Variants in PHACTR1 observed in about 807,000 individuals in gnomAD.
PHACTR1 encodes the protein RPEL repeat containing 1.
In PHACTR1, 16 loss-of-function variants were observed where a neutral mutation model predicts 69.2. The ratio of observed to expected loss-of-function variants is 0.23; its 90% confidence interval spans 0.16 to 0.35. The LOEUF (loss-of-function observed/expected upper bound fraction) is 0.35, where lower values mean the gene tolerates loss of function less well. Ranked by LOEUF, PHACTR1 falls within the 10% of genes least tolerant of loss-of-function variation. PHACTR1 has a pLI of 1.00. For missense variants in PHACTR1, 510 were observed against 734.7 expected, an observed-to-expected ratio of 0.69 and a Z score of 3.54; for synonymous variants, 312 against 284.5, an observed-to-expected ratio of 1.10 and a Z score of -0.97.
intron 4 of PHACTR1, among the ~76,000 whole-genome samples, chr6:12,949,937 C>T (rs893484699): frequency 3.3e-5 from 5 of 152,242 alleles, no homozygotes; most frequent in Non-Finnish European, 7.3e-5. Context: ...GCCTTATATA[C>T]ACCCCTGCCG....
intron 5 of PHACTR1, among the ~76,000 whole-genome samples, chr6:13,096,556 G>C (rs979220442): frequency 2.0e-5 from 3 of 152,116 alleles, no homozygotes; most frequent in Admixed American, 2.0e-4. Flanking sequence ...ATTACACTTG[G>C]GAGGCTGTGG....
At chr6:12,949,137 G>C (rs1421132671) in intron 4 of PHACTR1, among the ~76,000 whole-genome samples, 1 of 152,026 alleles carries the variant, frequency 6.6e-6, no homozygotes, top group Non-Finnish European at 1.5e-5. Context: ...TGGTGTAGCA[G>C]TGCATGCCTG....
intron 10 of PHACTR1, among the ~76,000 whole-genome samples, chr6:13,232,784 C>T (rs964694871): frequency 6.6e-6 from 1 of 152,296 alleles, no homozygotes; most frequent in Middle Eastern, 3.4e-3. Flanking sequence ...TGGTTCTGGG[C>T]TACTCCTGAC....
At chr6:12,725,995 T>C (rs1208182392) in intron 3 of PHACTR1, among the ~76,000 whole-genome samples, 1 of 152,192 alleles carries the variant, frequency 6.6e-6, no homozygotes, top group African/African-American at 2.4e-5. Context: ...CCTAACACTT[T>C]TAAAGAATTA....
At chr6:12,725,666 C>T (rs1484630662) in intron 3 of PHACTR1, among the ~76,000 whole-genome samples, 1 of 152,144 alleles carries the variant, frequency 6.6e-6, no homozygotes, top group Non-Finnish European at 1.5e-5. Context: ...TGTCTAGTAC[C>T]TTGTCTATTG....
chr6:13,038,151 C>A (rs939533624), intron 4 of PHACTR1, among the ~76,000 whole-genome samples: 2 of 152,090 alleles, frequency 1.3e-5, no homozygotes, highest in African/African-American at 4.8e-5. Flanking sequence ...ATAATTCTCA[C>A]AATAACCCAT....
intron 4 of PHACTR1, among the ~76,000 whole-genome samples, chr6:13,048,008 A>T (rs889158518): frequency 7.9e-5 from 12 of 152,168 alleles, no homozygotes; most frequent in African/African-American, 2.9e-4. Flanking sequence ...CATTAAAATC[A>T]TGCATACATC....
rs776154642 is a variant in PHACTR1 at position 13,086,083 on chromosome 6, T to TAAA, written c.415+32575_415+32577dup. Among the ~76,000 whole-genome samples the TAAA allele has an allele frequency of 7.9e-3, 475 of 60,202 alleles. 14 individuals carry two copies. Among genetic ancestry groups the TAAA allele is most frequent in the African/African-American group, 0.036 (429 of 11,838 alleles). 39.5% of individuals were successfully genotyped at this position (60,202 alleles called of 152,430 possible). On this transcript the variant is annotated intron_variant, in intron 5 of 14. Coordinates refer to ENST00000332995, the MANE Select transcript of PHACTR1 (RefSeq NM_030948.6). The stretch of plus-strand genomic sequence containing the variant: ...TAAAAATAAAGAAGATACACATTTC[T>TAAA]AAAAAAAAAAAAAAAAAAAAAAAGC...
At chr6:13,025,058 C>T (rs1004322085) in intron 4 of PHACTR1, among the ~76,000 whole-genome samples, 1 of 152,034 alleles carries the variant, frequency 6.6e-6, no homozygotes, top group Non-Finnish European at 1.5e-5. Flanking sequence ...GAGTTCAAGA[C>T]CAGCCTGGGC....
At chr6:13,211,698 A>G (rs1766870633) in intron 8 of PHACTR1, among the ~76,000 whole-genome samples, 1 of 152,094 alleles carries the variant, frequency 6.6e-6, no homozygotes, top group African/African-American at 2.4e-5. Flanking sequence ...TCTGGTCCAC[A>G]CTGTACATAC....
chr6:13,160,221 T>C lies in PHACTR1; in HGVS notation c.433T>C (p.Ser145Pro). The C allele has an allele frequency of 6.2e-7, 1 of 1,613,710 alleles. No homozygotes were observed. Among genetic ancestry groups the C allele is most frequent in the Non-Finnish European group, 8.5e-7 (1 of 1,179,742 alleles). The change falls in exon 6 of 15, where the codon TCT becomes CCT. Residue 145 changes from serine to proline, a missense_variant. Physicochemically the swap from Ser to Pro is moderately conservative, Grantham distance 74. Around this residue, in one of 2 missense-constraint regions of PHACTR1, gnomAD observed 419 missense variants for 530.9 expected, o/e 0.79. Coordinates refer to ENST00000332995, the MANE Select transcript of PHACTR1 (RefSeq NM_030948.6). ...HTSAALERKI[S>P]MRQSREELIK... is the part of the protein sequence containing the mutation. ...GTTTGTAGCCCTGGAAAGGAAAATA[T>C]CTATGAGGCAAAGCAGAGAAGAGCT...
intron 5 of PHACTR1, among the ~76,000 whole-genome samples, chr6:13,070,429 C>A (rs1274207578): frequency 6.6e-6 from 1 of 152,130 alleles, no homozygotes; most frequent in African/African-American, 2.4e-5. Flanking sequence ...TCCTCTGAGG[C>A]AGTTACTTAG....
At chr6:12,784,819 A>G (rs1478884921) in intron 4 of PHACTR1, among the ~76,000 whole-genome samples, 1 of 151,912 alleles carries the variant, frequency 6.6e-6, no homozygotes, top group African/African-American at 2.4e-5. Context: ...GATTCAAGTG[A>G]TTCTCCTGCC....
At chr6:13,174,662 A>G (rs1375455538) in intron 6 of PHACTR1, among the ~76,000 whole-genome samples, 1 of 152,182 alleles carries the variant, frequency 6.6e-6, no homozygotes, top group Admixed American at 6.5e-5. Context: ...GGTTCTTGCC[A>G]TCCTTAAGGA....
chr6:13,183,200 C>T (rs1284509138), intron 7 of PHACTR1, among the ~76,000 whole-genome samples: 1 of 152,004 alleles, frequency 6.6e-6, no homozygotes, highest in East Asian at 1.9e-4. Flanking sequence ...TTTTTGATGC[C>T]ATCTGACTGT....
chr6:13,280,945 C>G, intron 12 of PHACTR1: 1 of 1,288,542 alleles, frequency 7.8e-7, no homozygotes, highest in Admixed American at 2.3e-5. Context: ...AGAGGAGCGT[C>G]CTGGTGGCCG....
At chr6:12,840,656 T>C (rs973830421) in intron 4 of PHACTR1, among the ~76,000 whole-genome samples, 1 of 152,134 alleles carries the variant, frequency 6.6e-6, no homozygotes, top group African/African-American at 2.4e-5. Context: ...TAGATAGAAA[T>C]GGGTAATTTA....
intron 4 of PHACTR1, among the ~76,000 whole-genome samples, chr6:12,903,392 T>C (rs1785400034): frequency 6.6e-6 from 1 of 152,242 alleles, no homozygotes; most frequent in Non-Finnish European, 1.5e-5. Flanking sequence ...AAATGTATCA[T>C]GCACGTGGTC....
intron 4 of PHACTR1, among the ~76,000 whole-genome samples, chr6:12,908,971 GAGA>G (rs968745125): frequency 6.6e-6 from 1 of 152,186 alleles, no homozygotes; most frequent in African/African-American, 2.4e-5. Flanking sequence ...GCTGCATAGA[GAGA>G]AGAAGATGGC....
Sources: gnomAD v4.1 joint callset for allele counts (sites outside exome capture counted in the v4.1 genomes callset) on GRCh38, gnomAD v4.1.1 for gene constraint, gnomAD v4.1.1 regional missense constraint, MANE v1.5 for transcripts, NCBI Gene and HGNC (gene_info 2026-07-23, HGNC 2026-07-21) for gene names.